The following GRIN2B variants were observed in gnomAD, a reference collection of about 807,000 sequenced individuals.
GRIN2B encodes the protein glutamate receptor ionotropic, NMDA 2B.
GRIN2B carries 5 observed loss-of-function variants against 114.5 expected under a neutral mutation model. That is an observed-to-expected ratio of 0.04 (90% CI 0.02 to 0.09). The LOEUF (loss-of-function observed/expected upper bound fraction) is 0.09. GRIN2B is among the 10% of genes least tolerant of loss of function. GRIN2B has a pLI of 1.00. For missense variants in GRIN2B, 1,108 were observed against 1,943.5 expected (o/e 0.57, Z 8.08); for synonymous variants, 787 against 745.1 (o/e 1.06, Z -0.92).
At chr12:13,951,993 A>G (rs1482117606) in intron 2 of GRIN2B, among the ~76,000 whole-genome samples, 1 of 152,212 alleles carries the variant, frequency 6.6e-6, no homozygotes, top group Non-Finnish European at 1.5e-5. Flanking sequence ...CCTAAGCACA[A>G]TTGATATATC....
intron 10 of GRIN2B, among the ~76,000 whole-genome samples, chr12:13,597,533 C>T (rs1949090769): frequency 6.6e-6 from 1 of 152,218 alleles, no homozygotes; most frequent in Non-Finnish European, 1.5e-5. Flanking sequence ...CACCAATTCA[C>T]CTCAGTCTTT....
At position 13,556,639 on chromosome 12, in the gene GRIN2B, T is replaced by C. The variant is rs1861350007; in HGVS notation, c.*6144A>G. On this transcript the variant is annotated 3_prime_UTR_variant, in exon 14 of 14. Coordinates refer to ENST00000609686, the MANE Select transcript of GRIN2B (RefSeq NM_000834.5). ...GTTTAAATTGGGCTTAGTGTTGTGC[T>C]TTTTAATTGTACCTTAATTCTTGCA... The C allele has an allele frequency of 6.6e-6, 1 of 152,214 alleles. No homozygotes were observed. The allele number at this position is 152,214 out of a possible 1,614,324, so 9.4% of individuals were successfully genotyped here. A position where few individuals can be genotyped will look rare whatever the true frequency, so the allele number is the denominator to read the frequency against.
chr12:13,979,198 G>A (rs1863085610), intron 2 of GRIN2B, among the ~76,000 whole-genome samples: 1 of 152,024 alleles, frequency 6.6e-6, no homozygotes, highest in African/African-American at 2.4e-5. Context: ...AATAGCACAG[G>A]AAAAAATACA....
At chr12:13,878,117 C>T (rs1182094502) in intron 2 of GRIN2B, among the ~76,000 whole-genome samples, 1 of 151,966 alleles carries the variant, frequency 6.6e-6, no homozygotes, top group Non-Finnish European at 1.5e-5. Context: ...CTGCGCTAAG[C>T]CCTGGGAAGC....
intron 3 of GRIN2B, among the ~76,000 whole-genome samples, chr12:13,794,195 G>C (rs552049227): frequency 7.2e-4 from 87 of 121,606 alleles, no homozygotes; most frequent in Non-Finnish European, 1.0e-3. Flanking sequence ...GCAATAGTGT[G>C]AGACTCTGTC....
rs1003312114 is a variant in GRIN2B, at chr12:13,544,218, C to T, written c.*18565G>A. ...CCACCCCATCATGCTTTTGCCCCCA[C>T]CAGTCCACTGAAACAGCTCTCTTCC... On this transcript the variant is annotated 3_prime_UTR_variant, in exon 14 of 14. Transcript: ENST00000609686. The T allele has an allele frequency of 3.3e-5, 5 of 152,284 alleles. No homozygotes were observed. The highest frequency in any genetic ancestry group is 7.3e-5 in the Non-Finnish European group (5 of 68,114). 9.4% of individuals were successfully genotyped at this position (152,284 alleles called of 1,614,324 possible). A position where few individuals can be genotyped will look rare whatever the true frequency, so the allele number is the denominator to read the frequency against.
intron 2 of GRIN2B, among the ~76,000 whole-genome samples, chr12:13,964,642 T>G (rs1421235031): frequency 3.3e-5 from 5 of 152,210 alleles, no homozygotes; most frequent in Non-Finnish European, 5.9e-5. Flanking sequence ...ATGTGGAATT[T>G]GAGGCATTGG....
At chr12:13,703,793 T>A (rs1028578153) in intron 4 of GRIN2B, among the ~76,000 whole-genome samples, 2 of 152,182 alleles carry the variant, frequency 1.3e-5, no homozygotes, top group African/African-American at 4.8e-5. Context: ...GGGATCCTTT[T>A]AACTTCAATC....
At chr12:13,598,834 C>G (rs968812321) in intron 10 of GRIN2B, among the ~76,000 whole-genome samples, 1 of 152,150 alleles carries the variant, frequency 6.6e-6, no homozygotes, top group Non-Finnish European at 1.5e-5. Context: ...CACCACTTCC[C>G]TGGCAGCTAC....
intron 2 of GRIN2B, among the ~76,000 whole-genome samples, chr12:13,924,474 C>G (rs1866881677): frequency 6.6e-6 from 1 of 152,114 alleles, no homozygotes; most frequent in Admixed American, 6.5e-5. Context: ...GGCCACCCTA[C>G]AGGAGCTCTG....
At chr12:13,746,042 A>G (rs1863376815) in intron 4 of GRIN2B, among the ~76,000 whole-genome samples, 1 of 151,768 alleles carries the variant, frequency 6.6e-6, no homozygotes, top group African/African-American at 2.4e-5. Flanking sequence ...AATTTTTTAA[A>G]TATAATTTAT....
intron 2 of GRIN2B, among the ~76,000 whole-genome samples, chr12:13,945,376 C>T (rs149798082): frequency 9.9e-5 from 15 of 152,214 alleles, no homozygotes; most frequent in African/African-American, 2.6e-4. Context: ...CTTTGTTTTC[C>T]GTATCACTCC....
chr12:13,722,669 G>A (rs141487216), intron 4 of GRIN2B, among the ~76,000 whole-genome samples: 14 of 152,232 alleles, frequency 9.2e-5, no homozygotes, highest in Admixed American at 6.5e-4. Context: ...GAGAGAGTGC[G>A]AAGTTATTTT....
intron 5 of GRIN2B, among the ~76,000 whole-genome samples, chr12:13,669,826 A>G (rs140365171): frequency 2.6e-4 from 39 of 152,194 alleles, no homozygotes; most frequent in Middle Eastern, 3.4e-3. Context: ...ATTGACCTCT[A>G]TTGTATAAAC....
chr12:13,826,744 T>C (rs1056552548), intron 3 of GRIN2B, among the ~76,000 whole-genome samples: 1 of 152,162 alleles, frequency 6.6e-6, no homozygotes, highest in African/African-American at 2.4e-5. Flanking sequence ...CATGGCTAGT[T>C]ATTTTTTCAG....
chr12:13,654,189 G>A (rs996870706), intron 5 of GRIN2B, among the ~76,000 whole-genome samples: 4 of 152,096 alleles, frequency 2.6e-5, no homozygotes, highest in Non-Finnish European at 5.9e-5. Flanking sequence ...TGACAGAAAA[G>A]GTAGATGTTA....
intron 2 of GRIN2B, among the ~76,000 whole-genome samples, chr12:13,916,774 A>G (rs955352768): frequency 5.9e-5 from 6 of 100,982 alleles, no homozygotes; most frequent in African/African-American, 1.3e-4. Context: ...TTAATCCTCA[A>G]TGTACGCCAG....
At chr12:13,566,561 T>G (rs938787475) in intron 13 of GRIN2B, among the ~76,000 whole-genome samples, 2 of 152,202 alleles carry the variant, frequency 1.3e-5, no homozygotes, top group African/African-American at 4.8e-5. Context: ...GCTCTTCAAC[T>G]CTCCATAACC....
chr12:13,924,175 G>A (rs752957723), intron 2 of GRIN2B, among the ~76,000 whole-genome samples: 1 of 152,180 alleles, frequency 6.6e-6, no homozygotes, highest in Non-Finnish European at 1.5e-5. Flanking sequence ...CACACAGCAT[G>A]TAAAAGCGGT....
Sources: gnomAD v4.1 joint callset for allele counts (sites outside exome capture counted in the v4.1 genomes callset) on GRCh38, gnomAD v4.1.1 for gene constraint, MANE v1.5 for transcripts, NCBI Gene and HGNC (gene_info 2026-07-23, HGNC 2026-07-21) for gene names.